Variants in EIF4G1 observed in about 807,000 individuals in gnomAD.
EIF4G1 encodes eukaryotic translation initiation factor 4 gamma 1, also known as EIF4-gamma.
In EIF4G1, 4 loss-of-function variants were observed where a neutral mutation model predicts 187.8. That is an observed-to-expected ratio of 0.02 (90% CI 0.01 to 0.05). The LOEUF is 0.05. Among genes scored for constraint, EIF4G1 ranks in the 10% least tolerant of loss-of-function variants. EIF4G1 has a pLI of 1.00. For missense variants in EIF4G1, 1,647 were observed against 2,081.1 expected (o/e 0.79, Z 4.06); for synonymous variants, 844 against 781.4 (o/e 1.08, Z -1.34).
At position 184,319,798 on chromosome 3, in the gene EIF4G1, G is replaced by A. The variant is rs771937321; in HGVS notation, c.534G>A (p.Lys178=). The part of the protein sequence containing the change: ...PPQIAPKRER[K]TIRIRDPNQG... ...AGATTGCTCCCAAGAGGGAGCGTAA[G>A]ACGGTGAGTAGCAGTGAGGGGCTCC... The change falls in exon 7 of 33, where the codon AAG becomes AAA. Residue 178 remains lysine (K), a synonymous_variant. Coordinates refer to ENST00000346169, the MANE Select transcript of EIF4G1 (RefSeq NM_198241.3). 42 of 1,594,726 alleles carry A rather than the reference G, an allele frequency of 2.6e-5. No individual in the cohort carries two copies. The highest frequency in any genetic ancestry group is 3.3e-5 in the Non-Finnish European group (39 of 1,168,756).
At position 184,317,701 on chromosome 3, in the gene EIF4G1, C is replaced by G. The variant is rs1295484341; in HGVS notation, c.325-16C>G. The stretch of plus-strand genomic sequence containing the variant: ...CTCCCTCAACTCCTTCTCTCCCTCT[C>G]CCCCTTCCCCACCAGGGGCGTTCCA... On this transcript the variant is annotated splice_polypyrimidine_tract_variant and intron_variant, in intron 5 of 32. Transcript: ENST00000346169. 1.9e-6 allele frequency: 3 copies of G among 1,608,320 alleles called. No homozygotes were observed. In the African/African-American group the frequency reaches 4.0e-5, roughly 21 times the overall value.
At position 184,323,100 on chromosome 3, in the gene EIF4G1, G is replaced by T. The variant is rs1577213108; in HGVS notation, c.1947G>T (p.Leu649=). The change falls in exon 14 of 33, where the codon CTG becomes CTT. Residue 649 remains leucine (L), a synonymous_variant. Coordinates refer to ENST00000346169, the MANE Select transcript of EIF4G1 (RefSeq NM_198241.3). The surrounding 1 kb of genome is among the most constrained non-coding windows in gnomAD (Gnocchi z 6.9). ...CTTTGCAGGCCAATAAAACACCACT[G>T]CGGCCACTGGATCCCACTAGACTAC... The part of the protein sequence containing the change: ...VVLDKANKTP[L]RPLDPTRLQG... 11 of 1,614,200 alleles carry T rather than the reference G, an allele frequency of 6.8e-6. No individual in the cohort carries two copies. In the East Asian group the frequency reaches 2.5e-4, roughly 36 times the overall value.
chr3:184,334,278 A>G lies in EIF4G1; in HGVS notation c.4619-449A>G, dbSNP rs1700489161. ...GCCAGAGAAGGTGTGTATGTACAGGAAATGTGTGGGGAAGGAAGGGAAATT... is the reference window on the plus strand; with the variant it reads ...GCCAGAGAAGGTGTGTATGTACAGGGAATGTGTGGGGAAGGAAGGGAAATT... On this transcript the variant is annotated intron_variant, in intron 32 of 32. Coordinates refer to ENST00000346169, the MANE Select transcript of EIF4G1 (RefSeq NM_198241.3). This position sits in a 1 kb window ranked among gnomAD's most constrained non-coding sequence, Gnocchi z 5.8. 6.6e-6 allele frequency among the ~76,000 whole-genome samples: 1 copy of G among 152,134 alleles called. No homozygotes were observed. Among genetic ancestry groups the G allele is most frequent in the South Asian group, 2.1e-4 (1 of 4,826 alleles).
Position 184,335,023 on chromosome 3 carries a change from T to C in EIF4G1, c.*115T>C, listed in dbSNP as rs567642090. 1 of 1,413,492 alleles carries C rather than the reference T, an allele frequency of 7.1e-7. No individual in the cohort carries two copies. Among genetic ancestry groups the C allele is most frequent in the East Asian group, 2.5e-5 (1 of 40,762 alleles). 87.6% of individuals were successfully genotyped at this position (1,413,492 alleles called of 1,614,324 possible). A position where few individuals can be genotyped will look rare whatever the true frequency, so the allele number is the denominator to read the frequency against. The stretch of plus-strand genomic sequence containing the variant: ...GTGGCAGTGGGTGCCTGTAGTGTGA[T>C]GTGTCTGAACTAATAAAGTGGCTGA... On this transcript the variant is annotated 3_prime_UTR_variant, in exon 33 of 33. Coordinates refer to ENST00000346169, the MANE Select transcript of EIF4G1 (RefSeq NM_198241.3).
Position 184,324,195 on chromosome 3 carries a change from C to T in EIF4G1, c.2473-6C>T, listed in dbSNP as rs750925212. On this transcript the variant is annotated splice_polypyrimidine_tract_variant and splice_region_variant and intron_variant, in intron 16 of 32. Coordinates refer to ENST00000346169, the MANE Select transcript of EIF4G1 (RefSeq NM_198241.3). The stretch of plus-strand genomic sequence containing the variant: ...TCTTGAGTGTGACATTCTCTCTGAC[C>T]TACAGCTGAAAGTGCCCACTACGGA... 3.7e-6 allele frequency: 6 copies of T among 1,614,226 alleles called. No individual in the cohort carries two copies. In the South Asian group the frequency reaches 5.5e-5, roughly 15 times the overall value.
In EIF4G1 at chr3:184,323,712, C is replaced by T; in HGVS notation, c.2275-68C>T. 6.2e-7 allele frequency: 1 copy of T among 1,610,516 alleles called. No individual in the cohort carries two copies. The highest frequency in any genetic ancestry group is 8.5e-7 in the Non-Finnish European group (1 of 1,178,496). On this transcript the variant is annotated intron_variant, in intron 15 of 32. Transcript: ENST00000346169. The surrounding 1 kb of genome is among the most constrained non-coding windows in gnomAD (Gnocchi z 6.9). ...TCTGTCATGCCTAAGTCCCCACCAC[C>T]CTCTCCTGTCCCTCCCAACAGCCTG...
chr3:184,316,869 G>A lies in EIF4G1; in HGVS notation c.148-452G>A, dbSNP rs544502419. The stretch of plus-strand genomic sequence containing the variant: ...GTGTCCAGGTTCTCAGTTGGAGGCC[G>A]AGTGATGCATGTTAGGGGCTACATC... On this transcript the variant is annotated intron_variant, in intron 4 of 32. Coordinates refer to ENST00000346169, the MANE Select transcript of EIF4G1 (RefSeq NM_198241.3). 1.9e-4 allele frequency: 176 copies of A among 910,808 alleles called. 1 individual carries two copies. The highest frequency in any genetic ancestry group is 2.9e-4 in the Non-Finnish European group (165 of 574,790). 56.4% of individuals were successfully genotyped at this position (910,808 alleles called of 1,614,324 possible). A position where few individuals can be genotyped will look rare whatever the true frequency, so the allele number is the denominator to read the frequency against.
chr3:184,314,754 CCACCCTGCGCCGCCGCCCCGG>C (rs1722397215), intron 1 of EIF4G1, 80 bp downstream of exon 1: 1 of 144,134 alleles, frequency 6.9e-6, no homozygotes, highest in East Asian at 2.2e-4. Flanking sequence ...CCGGGACCGG[CCACCCTGCGCCGCCGCCCCGG>C]CGCCCTGGCC....
In EIF4G1 at chr3:184,322,466, A is replaced by G. The variant is rs771597070; in HGVS notation, c.1608+16A>G. 6.2e-7 allele frequency: 1 copy of G among 1,613,988 alleles called. No individual in the cohort carries two copies. Among genetic ancestry groups the G allele is most frequent in the East Asian group, 2.2e-5 (1 of 44,870 alleles). On this transcript the variant is annotated intron_variant, in intron 11 of 32. Transcript: ENST00000346169. ...CTTCAAGGAGGTAAGGGAGCAGAAA[A>G]TGGGAGGGGAGAGGGCCAAGTTGAG...
Position 184,321,547 on chromosome 3 carries a change from C to T in EIF4G1, c.963C>T (p.Ala321=), listed in dbSNP as rs780652746. The change falls in exon 10 of 33, where the codon GCC becomes GCT. Residue 321 remains alanine, a synonymous_variant. Transcript: ENST00000346169. ...YRLSPEPTPL[A]EPILEVEVTL... ...TCTCTCCAGAACCCACTCCTCTCGCCGAACCCATACTGGAAGTAGAAGTGA... is the reference window on the plus strand; with the variant it reads ...TCTCTCCAGAACCCACTCCTCTCGCTGAACCCATACTGGAAGTAGAAGTGA... 6.2e-6 allele frequency: 10 copies of T among 1,614,064 alleles called. No individual in the cohort carries two copies. In the African/African-American group the frequency reaches 8.0e-5, roughly 13 times the overall value.
In EIF4G1 at chr3:184,325,610, G is replaced by A. The variant is rs1391557692; in HGVS notation, c.3092G>A (p.Arg1031His). The change falls in exon 20 of 33, where the codon CGT becomes CAT. Residue 1031 changes from arginine (R) to histidine (H), a missense_variant. Physicochemically the swap from Arg to His is conservative, Grantham distance 29 (BLOSUM62 0). This residue lies in a region of EIF4G1 where 142 missense variants were observed against 296.6 expected (regional missense o/e 0.48). Coordinates refer to ENST00000346169, the MANE Select transcript of EIF4G1 (RefSeq NM_198241.3). The surrounding 1 kb of genome is among the most constrained non-coding windows in gnomAD (Gnocchi z 5.2). ...CTCATGGCCAAGGGCAGTGACAAGCGTCGGGGCGGTCCTCCAGGCCCTCCC... is the reference window on the plus strand; with the variant it reads ...CTCATGGCCAAGGGCAGTGACAAGCATCGGGGCGGTCCTCCAGGCCCTCCC... ...QQLMAKGSDK[R>H]RGGPPGPPIS... 2.5e-6 allele frequency: 4 copies of A among 1,614,226 alleles called. No individual in the cohort carries two copies. The highest frequency in any genetic ancestry group is 2.2e-5 in the South Asian group (2 of 91,088).
intron 32 of EIF4G1, among the ~76,000 whole-genome samples, chr3:184,333,955 G>A (rs1413329341): frequency 1.3e-5 from 2 of 152,156 alleles, no homozygotes; most frequent in Non-Finnish European, 2.9e-5. Flanking sequence ...AGGTGACTGT[G>A]CCCCTAGGCA....
chr3:184,328,883 A>G, intron 27 of EIF4G1, 26 bp from the exon 28 acceptor site: 1 of 1,614,152 alleles, frequency 6.2e-7, no homozygotes, highest in Non-Finnish European at 8.5e-7. Flanking sequence ...GGAGGCTGTC[A>G]GCATTAGGTT....
Position 184,334,654 on chromosome 3 carries a change from T to TGG in EIF4G1, c.4619-71_4619-70dup, listed in dbSNP as rs1327723595. 1.3e-6 allele frequency: 2 copies of TGG among 1,594,796 alleles called. No homozygotes were observed. Among genetic ancestry groups the TGG allele is most frequent in the African/African-American group, 2.7e-5 (2 of 74,494 alleles). On this transcript the variant is annotated intron_variant, in intron 32 of 32. Transcript: ENST00000346169. The surrounding 1 kb of genome is among the most constrained non-coding windows in gnomAD (Gnocchi z 5.8). The stretch of plus-strand genomic sequence containing the variant: ...AGGGCCTTGTTTGAACAGTGGAACT[T>TGG]GGGAGGGTTCCCTGGGGTGGGCTGG...
chr3:184,321,419 A>G lies in EIF4G1; in HGVS notation c.835A>G (p.Asn279Asp). 1 of 1,614,054 alleles carries G rather than the reference A, an allele frequency of 6.2e-7. No individual in the cohort carries two copies. The highest frequency in any genetic ancestry group is 8.5e-7 in the Non-Finnish European group (1 of 1,180,020). Residue 279 changes from asparagine to aspartate, a missense_variant, in exon 10 of 33, where the codon AAT becomes GAT. Asn to Asp is a conservative substitution (Grantham distance 23). Around this residue, in one of 11 missense-constraint regions of EIF4G1, gnomAD observed 522 missense variants for 485.2 expected, o/e 1.08. Transcript: ENST00000346169. ...AGTCTTGGAACCGGGGTCTGAGCCT[A>G]ATCTCGCAGTCCTCTCTATTCCTGG... is the stretch of plus-strand genomic sequence containing the variant. The part of the protein sequence containing the change: ...SPVLEPGSEP[N>D]LAVLSIPGDT...
rs1176993654 is a variant in EIF4G1 at position 184,325,856 on chromosome 3, G to A, written c.3127G>A (p.Gly1043Arg). The A allele has an allele frequency of 6.2e-7, 1 of 1,614,072 alleles. No individual in the cohort carries two copies. The highest frequency in any genetic ancestry group is 8.5e-7 in the Non-Finnish European group (1 of 1,180,018). The change falls in exon 21 of 33, where the codon GGA becomes AGA. Residue 1043 changes from glycine (G) to arginine (R), a missense_variant. By Grantham distance (125) the Gly-to-Arg change is moderately radical. Around this residue, in one of 11 missense-constraint regions of EIF4G1, gnomAD observed 142 missense variants for 296.6 expected, o/e 0.48. Coordinates refer to ENST00000346169, the MANE Select transcript of EIF4G1 (RefSeq NM_198241.3). This position sits in a 1 kb window ranked among gnomAD's most constrained non-coding sequence, Gnocchi z 5.2. ...TGCCCCTCTTTTTGTGTCAGGCCGT[G>A]GACTTCCCCTTGTGGATGATGGTGG... Reference protein sequence around the residue: ...GGPPGPPISRGLPLVDDGGWN... With the variant: ...GGPPGPPISRRLPLVDDGGWN...
In EIF4G1 at chr3:184,316,144, C is replaced by G; in HGVS notation, c.73C>G (p.Pro25Ala). 1 of 1,614,188 alleles carries G rather than the reference C, an allele frequency of 6.2e-7. No homozygotes were observed. The highest frequency in any genetic ancestry group is 8.5e-7 in the Non-Finnish European group (1 of 1,180,024). ...SPGLPQPAFPPGQTAPVVFST... is the reference protein window; with the variant it reads ...SPGLPQPAFPAGQTAPVVFST... ...CTCCCCTCTTCAGCCAGCGTTTCCC[C>G]CGGGGCAGACAGCGCCGGTGGTGTT... The change falls in exon 4 of 33, where the codon CCG becomes GCG. Residue 25 changes from proline (P) to alanine (A), a missense_variant. Transcript: ENST00000346169.
chr3:184,319,715 G>T lies in EIF4G1; in HGVS notation c.451G>T (p.Val151Leu). 1 of 1,604,104 alleles carries T rather than the reference G, an allele frequency of 6.2e-7. No individual in the cohort carries two copies. Among genetic ancestry groups the T allele is most frequent in the Non-Finnish European group, 8.5e-7 (1 of 1,175,684 alleles). The change falls in exon 7 of 33, where the codon GTG becomes TTG. Residue 151 changes from valine to leucine, a missense_variant. Around this residue, in one of 11 missense-constraint regions of EIF4G1, gnomAD observed 139 missense variants for 187.3 expected, o/e 0.74. Transcript: ENST00000346169. ...TGGCGCCTACTATCCAGCCCAAGGG[G>T]TGCAGCAGTTTCCCACTGGCGTGGC... The part of the protein sequence containing the change: ...YAGAYYPAQG[V>L]QQFPTGVAPT...
At chr3:184,320,439 A>G (rs1037070775) in intron 7 of EIF4G1, 191 bp from the exon 8 acceptor site, 1 of 1,495,178 alleles carries the variant, frequency 6.7e-7, no homozygotes, top group South Asian at 1.3e-5. Flanking sequence ...GGGTCTCTTA[A>G]GGGTGGGAGC....
Sources: gnomAD v4.1 joint callset for allele counts (sites outside exome capture counted in the v4.1 genomes callset) on GRCh38, gnomAD v4.1.1 for gene constraint, gnomAD v4.1.1 regional missense constraint, Gnocchi (gnomAD v3.1) non-coding constraint, MANE v1.5 for transcripts, NCBI Gene and HGNC (gene_info 2026-07-23, HGNC 2026-07-21) for gene names.